The following CWC22 variants were observed in gnomAD, a reference collection of about 807,000 sequenced individuals.
CWC22 encodes pre-mRNA-splicing factor CWC22 homolog.
CWC22 carries 53 observed loss-of-function variants against 117.2 expected under a neutral mutation model. The observed-to-expected ratio is 0.45, with a 90% CI of 0.36 to 0.57. The LOEUF (loss-of-function observed/expected upper bound fraction) is 0.57, where lower values mean the gene tolerates loss of function less well. CWC22 is among the 20% of genes least tolerant of loss of function. CWC22 has a pLI of 0.00. For missense variants in CWC22, 980 were observed against 1,068.8 expected (o/e 0.92, Z 1.16); for synonymous variants, 360 against 355.6 (o/e 1.01, Z -0.14).
In CWC22 at chr2:179,988,571, A is replaced by C; in HGVS notation, c.95+6T>G. ...CATTGCATTCAGAGCATATTAAACTATTTACCTGTCTTCTGGAGAGGAGTT... is the reference window on the plus strand; with the variant it reads ...CATTGCATTCAGAGCATATTAAACTCTTTACCTGTCTTCTGGAGAGGAGTT... On this transcript the variant is annotated splice_donor_region_variant and intron_variant, in intron 3 of 19. Transcript: ENST00000410053. 7.0e-7 allele frequency: 1 copy of C among 1,425,614 alleles called. No individual in the cohort carries two copies. Among genetic ancestry groups the C allele is most frequent in the Non-Finnish European group, 9.6e-7 (1 of 1,037,386 alleles). 88.3% of individuals were successfully genotyped at this position (1,425,614 alleles called of 1,614,324 possible).
At chr2:179,949,917 C>T (rs1407066235) in intron 19 of CWC22, among the ~76,000 whole-genome samples, 3 of 151,954 alleles carry the variant, frequency 2.0e-5, no homozygotes, top group Non-Finnish European at 1.5e-5. Context: ...AAAAGGAGTC[C>T]ATAATACATA....
At chr2:179,946,667 G>A (rs1475726825) in intron 19 of CWC22, among the ~76,000 whole-genome samples, 2 of 152,094 alleles carry the variant, frequency 1.3e-5, no homozygotes, top group East Asian at 3.9e-4. Flanking sequence ...CCCATAGAGT[G>A]TTATTCATAG....
In CWC22 at chr2:179,970,740, T is replaced by C; in HGVS notation, c.1057A>G (p.Ile353Val). The C allele has an allele frequency of 1.2e-6, 2 of 1,613,738 alleles. No individual in the cohort carries two copies. Among genetic ancestry groups the C allele is most frequent in the Non-Finnish European group, 1.7e-6 (2 of 1,179,726 alleles). Residue 353 changes from isoleucine to valine, a missense_variant, in exon 10 of 20, where the codon ATC (isoleucine) becomes GTC (valine). Physicochemically the swap from Ile to Val is conservative, Grantham distance 29. Around this residue, in one of 3 missense-constraint regions of CWC22, gnomAD observed 559 missense variants for 602.3 expected, o/e 0.93. Transcript: ENST00000410053. ...TCCACCAAATCAAGACCTTCTAGGA[T>C]AATGGGGTGGTCCTTGAATCCATCT... ...RKDGFKDHPI[I>V]LEGLDLVEED...
chr2:180,006,874 G>A lies in CWC22; in HGVS notation c.-121C>T, dbSNP rs1157317811. Reference sequence around the variant, plus strand: ...AGCCCATTCCCTCCCCACCTGCTTGGACCTAGCCGCTCTCACACCCCTCTT... The same window carrying A: ...AGCCCATTCCCTCCCCACCTGCTTGAACCTAGCCGCTCTCACACCCCTCTT... On this transcript the variant is annotated 5_prime_UTR_variant, in exon 1 of 20. Transcript: ENST00000410053. 6.6e-6 allele frequency: 1 copy of A among 152,522 alleles called. No homozygotes were observed. Among genetic ancestry groups the A allele is most frequent in the Non-Finnish European group, 1.5e-5 (1 of 68,314 alleles). The allele number at this position is 152,522 out of a possible 1,614,324, so 9.4% of individuals were successfully genotyped here. A position where few individuals can be genotyped will look rare whatever the true frequency, so the allele number is the denominator to read the frequency against.
chr2:179,954,849 T>A, intron 15 of CWC22, 108 bp downstream of exon 15: 1 of 690,932 alleles, frequency 1.4e-6, no homozygotes, highest in Non-Finnish European at 2.5e-6. Context: ...ATAATTTGCT[T>A]TTAGCAAAAG....
At chr2:179,997,413 A>T (rs941485783) in intron 1 of CWC22, among the ~76,000 whole-genome samples, 1 of 152,126 alleles carries the variant, frequency 6.6e-6, no homozygotes, top group Admixed American at 6.5e-5. Context: ...CCCCTCCCTC[A>T]CCTGAGGATG....
At chr2:179,999,806 T>C (rs1687800551) in intron 1 of CWC22, among the ~76,000 whole-genome samples, 1 of 152,180 alleles carries the variant, frequency 6.6e-6, no homozygotes, top group South Asian at 2.1e-4. Flanking sequence ...AGAGTTCATA[T>C]TTAAAACAAA....
At chr2:179,991,884 G>A (rs1001728162) in intron 2 of CWC22, among the ~76,000 whole-genome samples, 4 of 152,194 alleles carry the variant, frequency 2.6e-5, no homozygotes, top group Admixed American at 6.5e-5. Flanking sequence ...AGGAAACTGT[G>A]AGCCCCCTGC....
intron 16 of CWC22, among the ~76,000 whole-genome samples, chr2:179,952,877 A>C (rs1686488882): frequency 6.6e-6 from 1 of 152,096 alleles, no homozygotes; most frequent in South Asian, 2.1e-4. Flanking sequence ...TTGAGCATAT[A>C]ATGGTAAAGA....
intron 4 of CWC22, among the ~76,000 whole-genome samples, chr2:179,984,144 A>C (rs1254951158): frequency 2.6e-5 from 4 of 152,158 alleles, no homozygotes; most frequent in African/African-American, 9.6e-5. Context: ...GAAGTACAAC[A>C]GTCAGGGATT....
rs767592332 is a variant in CWC22 at position 179,978,202 on chromosome 2, A to G, written c.569T>C (p.Ile190Thr). 30 of 1,539,964 alleles carry G rather than the reference A, an allele frequency of 1.9e-5. No individual in the cohort carries two copies. The highest frequency in any genetic ancestry group is 2.3e-5 in the Non-Finnish European group (27 of 1,149,904). ...IIIQELLQEN[I>T]VRGRGLLSRS... The stretch of plus-strand genomic sequence containing the variant: ...AGCCAATACTTACCTTCCTCTAACT[A>G]TATTTTCTTGAAGAAGCTCTTGAAT... Residue 190 changes from isoleucine to threonine, a missense_variant, in exon 6 of 20, where the codon ATA (isoleucine) becomes ACA (threonine). This residue lies in a region of CWC22 where 559 missense variants were observed against 602.3 expected (regional missense o/e 0.93). Coordinates refer to ENST00000410053, the MANE Select transcript of CWC22 (RefSeq NM_020943.3).
chr2:179,951,851 C>T (rs1686457356), intron 17 of CWC22, among the ~76,000 whole-genome samples: 1 of 151,900 alleles, frequency 6.6e-6, no homozygotes, highest in Non-Finnish European at 1.5e-5. Flanking sequence ...AAGTATGGAG[C>T]CACAGTGAGT....
chr2:179,970,368 AG>A, intron 11 of CWC22, 132 bp downstream of exon 11: 3 of 982,682 alleles, frequency 3.1e-6, no homozygotes, highest in Non-Finnish European at 4.3e-6. Context: ...CCGAGGAAAC[AG>A]CTAAGAGAAT....
At chr2:179,969,022 T>G (rs2105525886) in intron 11 of CWC22, among the ~76,000 whole-genome samples, 1 of 152,300 alleles carries the variant, frequency 6.6e-6, no homozygotes, top group African/African-American at 2.4e-5. Context: ...AGAAGCTCTT[T>G]GGAGTTGCCA....
chr2:180,003,436 C>G (rs1687893077), intron 1 of CWC22, among the ~76,000 whole-genome samples: 1 of 152,180 alleles, frequency 6.6e-6, no homozygotes, highest in Admixed American at 6.5e-5. Context: ...CTCAGCTTGC[C>G]TAATTAAGTA....
At chr2:179,997,607 A>AT (rs1227527243) in intron 1 of CWC22, among the ~76,000 whole-genome samples, 1 of 152,112 alleles carries the variant, frequency 6.6e-6, no homozygotes, top group Non-Finnish European at 1.5e-5. Context: ...AGATATTGGT[A>AT]TTTTTTTCCC....
At chr2:179,956,530 G>A (rs1162780440) in intron 14 of CWC22, among the ~76,000 whole-genome samples, 3 of 150,818 alleles carry the variant, frequency 2.0e-5, no homozygotes, top group Non-Finnish European at 3.0e-5. Context: ...AAAGCTCAAA[G>A]GCCTCACTTT....
At chr2:179,961,819 T>A (rs899712256) in intron 13 of CWC22, among the ~76,000 whole-genome samples, 1 of 152,102 alleles carries the variant, frequency 6.6e-6, no homozygotes, top group African/African-American at 2.4e-5. Flanking sequence ...AAATATTAAA[T>A]GAATTAAATT....
intron 7 of CWC22, 34 bp downstream of exon 7, chr2:179,973,600 T>G: frequency 2.2e-6 from 3 of 1,343,806 alleles, no homozygotes; most frequent in Non-Finnish European, 3.1e-6. Context: ...TTTGTTCCTA[T>G]GTATCATTCT....
Sources: allele counts gnomAD v4.1 joint callset (sites outside exome capture counted in the v4.1 genomes callset), GRCh38; gene constraint gnomAD v4.1.1; regional missense constraint gnomAD v4.1.1; transcripts MANE v1.5; gene names NCBI Gene and HGNC (gene_info 2026-07-23, HGNC 2026-07-21).